Variants in NFASC observed in about 807,000 individuals in gnomAD.
NFASC encodes the protein neurofascin homolog.
A neutral mutation model predicts 147.5 loss-of-function variants in NFASC; 43 were observed. The ratio of observed to expected loss-of-function variants is 0.29; its 90% CI spans 0.23 to 0.38. The LOEUF (loss-of-function observed/expected upper bound fraction) is 0.38, where lower values mean the gene tolerates loss of function less well. Among genes scored for constraint, NFASC ranks in the 10% least tolerant of loss-of-function variants. NFASC has a pLI of 1.00. For missense variants in NFASC, 1,320 were observed against 1,689.0 expected, an observed-to-expected ratio of 0.78 and a Z score of 3.83; for synonymous variants, 622 against 665.5, an observed-to-expected ratio of 0.93 and a Z score of 1.01.
chr1:204,938,612 G>A (rs1419447361), intron 2 of NFASC, among the ~76,000 whole-genome samples: 1 of 152,106 alleles, frequency 6.6e-6, no homozygotes, highest in African/African-American at 2.4e-5. Flanking sequence ...CAATGCTCTC[G>A]AACTAGACAA....
rs1386431266 is a variant in NFASC at position 204,954,928 on chromosome 1, C to T, written c.512C>T (p.Pro171Leu). Reference protein sequence around the residue: ...QCNPPPGLPSPVIFWMSSSME... With the variant: ...QCNPPPGLPSLVIFWMSSSME... ...AACCCCCCGCCTGGACTTCCATCCC[C>T]GGTCATCTTCTGGATGAGCAGCTGT... is the stretch of plus-strand genomic sequence containing the variant. Residue 171 changes from proline to leucine, a missense_variant, in exon 7 of 30, where the codon CCG (proline) becomes CTG (leucine). By Grantham distance (98) the Pro-to-Leu change is moderately conservative. Around this residue, in one of 3 missense-constraint regions of NFASC, gnomAD observed 981 missense variants for 1,289.5 expected, o/e 0.76. Transcript: ENST00000339876. This position sits in a 1 kb window ranked among gnomAD's most constrained non-coding sequence, Gnocchi z 5.7. 1.2e-6 allele frequency: 2 copies of T among 1,613,844 alleles called. No individual in the cohort carries two copies. The highest frequency in any genetic ancestry group is 2.2e-5 in the East Asian group (1 of 44,878).
intron 7 of NFASC, among the ~76,000 whole-genome samples, chr1:204,956,055 C>G (rs746572892): frequency 4.6e-5 from 7 of 152,194 alleles, no homozygotes; most frequent in African/African-American, 7.2e-5. Flanking sequence ...CCTCTCTCAT[C>G]TCTCCCACAT....
chr1:204,931,235 T>G (rs572430001), intron 2 of NFASC, among the ~76,000 whole-genome samples: 11 of 152,240 alleles, frequency 7.2e-5, no homozygotes, highest in Non-Finnish European at 1.5e-4. Flanking sequence ...CCTGTCCACA[T>G]GGAACCCTCC....
At chr1:205,001,418 T>A in intron 26 of NFASC, 132 bp downstream of exon 26, 1 of 649,408 alleles carries the variant, frequency 1.5e-6, no homozygotes, top group Non-Finnish European at 2.8e-6. Flanking sequence ...GGCTTAATTA[T>A]GGCTTAATGA....
chr1:204,863,736 T>TA (rs1217753508), intron 1 of NFASC, among the ~76,000 whole-genome samples: 1 of 151,228 alleles, frequency 6.6e-6, no homozygotes, highest in East Asian at 1.9e-4. Context: ...GTAGTCCCAC[T>TA]ACTCGGGAGC....
intron 1 of NFASC, 34 bp downstream of exon 1, chr1:204,828,816 A>G: frequency 1.0e-6 from 1 of 985,256 alleles, no homozygotes; most frequent in South Asian, 4.7e-5. Flanking sequence ...AGATGGGGGT[A>G]GAGAGTCATG....
Position 204,954,114 on chromosome 1 carries a change from G to A in NFASC, c.216-74G>A. ...AATTTTGGTACTGAGCCAGGGACTAGGGATCTGAGATCTGCCTGGAGCCCA... is the reference window on the plus strand; with the variant it reads ...AATTTTGGTACTGAGCCAGGGACTAAGGATCTGAGATCTGCCTGGAGCCCA... On this transcript the variant is annotated intron_variant, in intron 5 of 29. Transcript: ENST00000339876. This position sits in a 1 kb window ranked among gnomAD's most constrained non-coding sequence, Gnocchi z 5.7. 1.4e-6 allele frequency: 2 copies of A among 1,380,028 alleles called. No homozygotes were observed. The highest frequency in any genetic ancestry group is 1.7e-5 in the Admixed American group (1 of 58,238). The allele number at this position is 1,380,028 out of a possible 1,614,324, so 85.5% of individuals were successfully genotyped here. A position where few individuals can be genotyped will look rare whatever the true frequency, so the allele number is the denominator to read the frequency against.
At chr1:204,908,121 A>G (rs957740280) in intron 1 of NFASC, among the ~76,000 whole-genome samples, 1 of 152,086 alleles carries the variant, frequency 6.6e-6, no homozygotes, top group Admixed American at 6.6e-5. Flanking sequence ...AGCTGAGACT[A>G]CAGGCACGCA....
chr1:204,976,855 A>C, intron 16 of NFASC, 60 bp downstream of exon 16: 14 of 1,580,790 alleles, frequency 8.9e-6, no homozygotes, highest in Non-Finnish European at 1.2e-5. Flanking sequence ...GCAGCCAGAG[A>C]AGCAGTGGCC....
At chr1:204,931,224 G>T (rs184043398) in intron 2 of NFASC, among the ~76,000 whole-genome samples, 24 of 152,316 alleles carry the variant, frequency 1.6e-4, no homozygotes, top group Admixed American at 1.5e-3. Context: ...AGGAGCTGCT[G>T]CCTGTCCACA....
intron 5 of NFASC, among the ~76,000 whole-genome samples, chr1:204,952,597 C>G (rs952088679): frequency 5.3e-5 from 8 of 152,166 alleles, no homozygotes; most frequent in African/African-American, 1.9e-4. Flanking sequence ...GACCACCTAA[C>G]AGTGCTCTGG....
At chr1:204,888,602 G>A (rs1402162881) in intron 1 of NFASC, among the ~76,000 whole-genome samples, 1 of 152,194 alleles carries the variant, frequency 6.6e-6, no homozygotes, top group East Asian at 1.9e-4. Context: ...CCATGGCACT[G>A]AGCACAAGTG....
rs574982234 is a variant in NFASC, at chr1:204,878,947, G to C, written c.-199-41685G>C. On this transcript the variant is annotated intron_variant, in intron 1 of 29. Coordinates refer to ENST00000339876, the MANE Select transcript of NFASC (RefSeq NM_001005388.3). Reference sequence around the variant, plus strand: ...AACTGGTGGGGTGGGTTGCACAGAGGCTTCCCTTTTGAAGAGCAATTTCTT... The same window carrying C: ...AACTGGTGGGGTGGGTTGCACAGAGCCTTCCCTTTTGAAGAGCAATTTCTT... 6.6e-5 allele frequency among the ~76,000 whole-genome samples: 10 copies of C among 152,302 alleles called. No homozygotes were observed. The South Asian group carries it at 1.7e-3, about 25-fold the overall frequency.
At chr1:204,926,844 C>T (rs1201470640) in intron 2 of NFASC, among the ~76,000 whole-genome samples, 2 of 152,002 alleles carry the variant, frequency 1.3e-5, no homozygotes, top group East Asian at 1.9e-4. Context: ...GAGGCTGAGG[C>T]GGGTGGATCA....
rs961450942 is a variant in NFASC at position 204,988,129 on chromosome 1, A to T, written c.2594-504A>T. Among the ~76,000 whole-genome samples, 9 of 152,362 alleles carry T rather than the reference A, an allele frequency of 5.9e-5. No individual in the cohort carries two copies. The South Asian group carries it at 1.2e-3, about 21-fold the overall frequency. The stretch of plus-strand genomic sequence containing the variant: ...GGTAACGTACCTCGTTAGGAAACTC[A>T]AAGAGCCAAATGTTGTGTTGTTAGC... On this transcript the variant is annotated intron_variant, in intron 22 of 29. Transcript: ENST00000339876.
intron 1 of NFASC, among the ~76,000 whole-genome samples, chr1:204,869,764 T>G (rs2077436192): frequency 6.6e-6 from 1 of 152,154 alleles, no homozygotes; most frequent in African/African-American, 2.4e-5. Flanking sequence ...GCTCCAGAGC[T>G]CTTATAATCT....
chr1:204,979,349 C>T lies in NFASC; in HGVS notation c.1979-13C>T. 1.2e-6 allele frequency: 2 copies of T among 1,610,868 alleles called. No homozygotes were observed. The highest frequency in any genetic ancestry group is 8.5e-7 in the Non-Finnish European group (1 of 1,177,084). On this transcript the variant is annotated splice_polypyrimidine_tract_variant and intron_variant, in intron 18 of 29. Transcript: ENST00000339876. This position sits in a 1 kb window ranked among gnomAD's most constrained non-coding sequence, Gnocchi z 6.0. Reference sequence around the variant, plus strand: ...GAGCTCCCGAAACAGCTCTGTTTTCCTTGCCCACTCAGACTACGTCGTCCA... The same window carrying T: ...GAGCTCCCGAAACAGCTCTGTTTTCTTTGCCCACTCAGACTACGTCGTCCA...
At position 205,021,855 on chromosome 1, in the gene NFASC, T is replaced by A. The variant is rs1313045195; in HGVS notation, c.*5316T>A. ...ACCCAGTCATGCAATTAAGGGCAGATCTGGGCCAGTGGAATAGGATAGCTG... is the reference window on the plus strand; with the variant it reads ...ACCCAGTCATGCAATTAAGGGCAGAACTGGGCCAGTGGAATAGGATAGCTG... On this transcript the variant is annotated 3_prime_UTR_variant, in exon 30 of 30. Coordinates refer to ENST00000339876, the MANE Select transcript of NFASC (RefSeq NM_001005388.3). The A allele has an allele frequency of 6.5e-6, 1 of 152,786 alleles. No homozygotes were observed. The highest frequency in any genetic ancestry group is 2.4e-5 in the African/African-American group (1 of 41,458). The allele number at this position is 152,786 out of a possible 1,614,324, so 9.5% of individuals were successfully genotyped here.
intron 3 of NFASC, among the ~76,000 whole-genome samples, chr1:204,947,710 T>C (rs969683401): frequency 1.3e-5 from 2 of 151,132 alleles, no homozygotes; most frequent in Admixed American, 1.3e-4. Flanking sequence ...CCAGAGTGAG[T>C]TTGCCAAAAA....
Sources: gnomAD v4.1 joint callset for allele counts (sites outside exome capture counted in the v4.1 genomes callset) on GRCh38, gnomAD v4.1.1 for gene constraint, gnomAD v4.1.1 regional missense constraint, Gnocchi (gnomAD v3.1) non-coding constraint, MANE v1.5 for transcripts, NCBI Gene and HGNC (gene_info 2026-07-23, HGNC 2026-07-21) for gene names.